The following TMPRSS7 variants were observed in gnomAD, a reference collection of about 807,000 sequenced individuals.
TMPRSS7 encodes the protein transmembrane protease serine 7.
A neutral mutation model predicts 95.6 loss-of-function variants in TMPRSS7; 81 were observed. The observed-to-expected ratio is 0.85, with a 90% CI of 0.71 to 1.02. TMPRSS7 has a LOEUF of 1.02. Among genes scored for constraint, TMPRSS7 ranks in the 50% least tolerant of loss-of-function variants. The probability of loss-of-function intolerance (pLI) is 0.00; values close to 1 mark genes in which losing one functional copy is unlikely to be tolerated. For synonymous variants in TMPRSS7, 364 were observed against 337.8 expected (o/e 1.08, Z -0.85); for missense variants, 945 against 955.2 (o/e 0.99, Z 0.14).
At position 112,051,447 on chromosome 3, in the gene TMPRSS7, C is replaced by T. The variant is rs781713462; in HGVS notation, c.1203+664C>T. ...TAGGGTTCCTGGAACCAATCCTCCA[C>T]AGATACTAAGGGACAACTCTATTAT... On this transcript the variant is annotated intron_variant, in intron 9 of 17. Transcript: ENST00000452346. Among the ~76,000 whole-genome samples the T allele has an allele frequency of 3.0e-4, 46 of 152,062 alleles. 1 individual carries two copies. Among genetic ancestry groups the T allele is most frequent in the Admixed American group, 1.3e-3 (20 of 15,260 alleles).
intron 13 of TMPRSS7, among the ~76,000 whole-genome samples, chr3:112,068,412 G>T (rs748228860): frequency 6.6e-6 from 1 of 152,164 alleles, no homozygotes; most frequent in Non-Finnish European, 1.5e-5. Context: ...AATTAGCTTC[G>T]GCAGTATGGC....
At position 112,070,300 on chromosome 3, in the gene TMPRSS7, A is replaced by G. The variant is rs561625356; in HGVS notation, c.1666+3798A>G. Among the ~76,000 whole-genome samples the G allele has an allele frequency of 1.5e-3, 223 of 152,310 alleles. 1 individual carries two copies. Among genetic ancestry groups the G allele is most frequent in the South Asian group, 0.012 (59 of 4,824 alleles). On this transcript the variant is annotated intron_variant, in intron 13 of 17. Coordinates refer to ENST00000452346, the Ensembl canonical transcript of TMPRSS7. ...TGATGTGGTGCTGATAAGAATGTATATTCTGTTGATTTGGGGTAGAGAGTT... is the reference window on the plus strand; with the variant it reads ...TGATGTGGTGCTGATAAGAATGTATGTTCTGTTGATTTGGGGTAGAGAGTT...
chr3:112,043,265 G>A (rs1228830768), intron 3 of TMPRSS7, among the ~76,000 whole-genome samples: 2 of 152,096 alleles, frequency 1.3e-5, no homozygotes, highest in Non-Finnish European at 2.9e-5. Flanking sequence ...AACAGTGTAG[G>A]CAATTGTAAC....
At chr3:112,072,740 A>G (rs567018119) in intron 13 of TMPRSS7, among the ~76,000 whole-genome samples, 1 of 152,388 alleles carries the variant, frequency 6.6e-6, no homozygotes, top group South Asian at 2.1e-4. Flanking sequence ...CTGCGCTAGC[A>G]GTGAACAAGG....
At position 112,081,010 on chromosome 3, in the gene TMPRSS7, A is replaced by G. The variant is rs372204803; in HGVS notation, c.2458A>G (p.Asn820Asp). 9.9e-5 allele frequency: 160 copies of G among 1,613,724 alleles called. No individual in the cohort carries two copies. Among genetic ancestry groups the G allele is most frequent in the Non-Finnish European group, 1.2e-4 (147 of 1,179,900 alleles). Reference sequence around the variant, plus strand: ...CTGGGGACATGGAAGTGGACGACCAAACTTTCCTGGTGTTTACACAAGGGT... The same window carrying G: ...CTGGGGACATGGAAGTGGACGACCAGACTTTCCTGGTGTTTACACAAGGGT... Residue 820 changes from asparagine to aspartate, a missense_variant, in exon 18 of 18, where the codon AAC becomes GAC. By Grantham distance (23) the Asn-to-Asp change is conservative. Transcript: ENST00000452346.
At position 112,081,047 on chromosome 3, in the gene TMPRSS7, T is replaced by C. The variant is rs202171485; in HGVS notation, c.2495T>C (p.Val832Ala). The C allele has an allele frequency of 3.6e-4, 578 of 1,610,804 alleles. 6 individuals are homozygous for C. Among genetic ancestry groups the C allele is most frequent in the Non-Finnish European group, 3.4e-5 (40 of 1,179,116 alleles). ...GTTTACACAAGGGTGTCAAACTTTG[T>C]TCCCTGGATTCATAAATATGTCCCT... The change falls in exon 18 of 18, where the codon GTT (valine) becomes GCT (alanine). Residue 832 changes from valine (V) to alanine (A), a missense_variant. By Grantham distance (64) the Val-to-Ala change is moderately conservative. Transcript: ENST00000452346.
At chr3:112,047,412 C>T (rs1315324910) in intron 6 of TMPRSS7, 1 of 565,600 alleles carries the variant, frequency 1.8e-6, no homozygotes, top group Non-Finnish European at 3.3e-6. Context: ...TTGCAGAAGT[C>T]CTGGGGCTGA....
At chr3:112,048,825 T>C (rs1459745430) in intron 7 of TMPRSS7, among the ~76,000 whole-genome samples, 1 of 152,200 alleles carries the variant, frequency 6.6e-6, no homozygotes, top group Non-Finnish European at 1.5e-5. Flanking sequence ...ACATATTTAC[T>C]TATCTCATTT....
At chr3:112,071,070 G>A (rs1159143892) in intron 13 of TMPRSS7, among the ~76,000 whole-genome samples, 1 of 152,184 alleles carries the variant, frequency 6.6e-6, no homozygotes, top group African/African-American at 2.4e-5. Flanking sequence ...ACATGTTTTT[G>A]CAGTGGCTGG....
intron 3 of TMPRSS7, among the ~76,000 whole-genome samples, chr3:112,043,723 C>A (rs2073240117): frequency 6.6e-6 from 1 of 152,142 alleles, no homozygotes. Flanking sequence ...TGAAACAGAG[C>A]TCTCCCTTGA....
exon 15 of TMPRSS7, chr3:112,075,347 C>T: frequency 6.9e-7 from 1 of 1,446,178 alleles, no homozygotes; most frequent in Non-Finnish European, 9.1e-7. Context: ...CTCCGCCCTT[C>T]ACCGCATCAT....
At chr3:112,050,745 T>C (rs748323886) in exon 9 of TMPRSS7, 1 of 1,602,496 alleles carries the variant, frequency 6.2e-7, no homozygotes, top group Non-Finnish European at 8.5e-7. Context: ...TTACCCGAGC[T>C]ACTATCCTCC....
At chr3:112,063,071 G>T (rs913879088) in intron 11 of TMPRSS7, among the ~76,000 whole-genome samples, 1 of 152,204 alleles carries the variant, frequency 6.6e-6, no homozygotes, top group Non-Finnish European at 1.5e-5. Context: ...ACTTGAAAAT[G>T]TAATTTAAGA....
rs200060736 is a variant in TMPRSS7, at chr3:112,075,404, C to T, written c.1867C>T (p.Leu623Phe). The T allele has an allele frequency of 4.5e-6, 7 of 1,551,442 alleles. No individual in the cohort carries two copies. In the Admixed American group the frequency reaches 1.1e-4, roughly 25 times the overall value. The change falls in exon 15 of 18, where the codon CTC (leucine) becomes TTC (phenylalanine). Residue 623 changes from leucine to phenylalanine, a missense_variant. Leu to Phe is a conservative substitution (Grantham distance 22). Transcript: ENST00000452346. ...GGGGGGTTGGCCGTGGCAGGTCAGCCTCCACTTTGTTGGATCTGCCTACTG... is the reference window on the plus strand; with the variant it reads ...GGGGGGTTGGCCGTGGCAGGTCAGCTTCCACTTTGTTGGATCTGCCTACTG...
intron 9 of TMPRSS7, among the ~76,000 whole-genome samples, chr3:112,051,515 ATATCTATCTATCTATCTATC>A (rs10546401): frequency 4.1e-4 from 60 of 145,528 alleles, no homozygotes; most frequent in Middle Eastern, 3.5e-3. Flanking sequence ...TGTATACGAA[ATATCTATCTATCTATCTATC>A]TATCTATCTA....
chr3:112,066,449 G>A lies in TMPRSS7; in HGVS notation c.1613G>A (p.Cys538Tyr), dbSNP rs544220728. Residue 538 changes from cysteine to tyrosine, a missense_variant, in exon 13 of 18, where the codon TGT becomes TAT. Physicochemically the swap from Cys to Tyr is radical, Grantham distance 194. Transcript: ENST00000452346. ...TTCAGGCAGCATGGCCCTCTCATCT[G>A]TGATGGCTTCAGGGACTGTGAGAAT... is the stretch of plus-strand genomic sequence containing the variant. 40 of 1,614,036 alleles carry A rather than the reference G, an allele frequency of 2.5e-5. No homozygotes were observed. The South Asian group carries it at 4.0e-4, about 16-fold the overall frequency.
chr3:112,081,022 GT>G lies in TMPRSS7; in HGVS notation c.2473del (p.Tyr825ThrfsTer41). 6.2e-7 allele frequency: 1 copy of G among 1,613,600 alleles called. No homozygotes were observed. The highest frequency in any genetic ancestry group is 1.1e-5 in the South Asian group (1 of 90,984). Reference sequence around the variant, plus strand: ...AAGTGGACGACCAAACTTTCCTGGTGTTTACACAAGGGTGTCAAACTTTGTT... The same window carrying G: ...AAGTGGACGACCAAACTTTCCTGGTGTTACACAAGGGTGTCAAACTTTGTT... On this transcript the variant is annotated frameshift_variant, in exon 18 of 18. Transcript: ENST00000452346. LOFTEE classifies it high-confidence loss of function.
At chr3:112,071,455 TG>T (rs1367217142) in intron 13 of TMPRSS7, among the ~76,000 whole-genome samples, 1 of 152,206 alleles carries the variant, frequency 6.6e-6, no homozygotes, top group African/African-American at 2.4e-5. Context: ...AGTATCTTTG[TG>T]GTGTTCTCTG....
At chr3:112,050,769 A>C in exon 9 of TMPRSS7, 1 of 1,595,434 alleles carries the variant, frequency 6.3e-7, no homozygotes, top group Non-Finnish European at 8.5e-7. Flanking sequence ...ATGCAAGTGT[A>C]CCTGGAAATT....
Sources: gnomAD v4.1 joint callset for allele counts (sites outside exome capture counted in the v4.1 genomes callset) on GRCh38, gnomAD v4.1.1 for gene constraint, MANE v1.5 for transcripts, NCBI Gene and HGNC (gene_info 2026-07-23, HGNC 2026-07-21) for gene names.